IGF1R: variants seen among roughly 807,000 people sequenced by gnomAD.
IGF1R encodes insulin like growth factor 1 receptor.
Under a neutral mutation model 144.6 loss-of-function variants are expected in IGF1R, and 44 were observed. The ratio of observed to expected loss-of-function variants is 0.30; its 90% CI spans 0.24 to 0.39. The LOEUF (loss-of-function observed/expected upper bound fraction) is 0.39, where lower values mean the gene tolerates loss of function less well. Ranked by LOEUF, IGF1R falls within the 10% of genes least tolerant of loss-of-function variation. The pLI, the probability that IGF1R is intolerant of heterozygous loss-of-function variation, is 1.00. For synonymous variants in IGF1R, 795 were observed against 722.8 expected (o/e 1.10, Z -1.60); for missense variants, 1,355 against 1,833.7 (o/e 0.74, Z 4.77).
chr15:98,791,816 G>A (rs913037632), intron 2 of IGF1R, among the ~76,000 whole-genome samples: 1 of 152,226 alleles, frequency 6.6e-6, no homozygotes, highest in Non-Finnish European at 1.5e-5. Context: ...AAGGTAGCAT[G>A]TTTAACGTTC....
intron 2 of IGF1R, among the ~76,000 whole-genome samples, chr15:98,888,286 A>C (rs1371636758): frequency 6.6e-6 from 1 of 152,220 alleles, no homozygotes; most frequent in Non-Finnish European, 1.5e-5. Flanking sequence ...AATAGATGGA[A>C]TTATATTCTG....
intron 2 of IGF1R, among the ~76,000 whole-genome samples, chr15:98,816,201 T>C (rs999413267): frequency 3.9e-5 from 6 of 152,236 alleles, no homozygotes; most frequent in African/African-American, 1.2e-4. Flanking sequence ...TTCCTGTCTC[T>C]TTGAGGTTCC....
intron 15 of IGF1R, among the ~76,000 whole-genome samples, chr15:98,934,476 G>GT (rs1449558908): frequency 1.3e-5 from 2 of 151,798 alleles, no homozygotes; most frequent in East Asian, 3.9e-4. Context: ...TGGTTAATTT[G>GT]TTTTTTTCAA....
At chr15:98,944,212 G>A (rs763890001) in intron 19 of IGF1R, among the ~76,000 whole-genome samples, 4 of 152,128 alleles carry the variant, frequency 2.6e-5, no homozygotes, top group Non-Finnish European at 5.9e-5. Flanking sequence ...CTATACAGCC[G>A]GGGAGAACAG....
intron 1 of IGF1R, among the ~76,000 whole-genome samples, chr15:98,693,203 T>C (rs1377379191): frequency 6.6e-6 from 1 of 152,192 alleles, no homozygotes; most frequent in East Asian, 1.9e-4. Context: ...CTGTTTGGTC[T>C]TGGAAGCTGG....
intron 2 of IGF1R, among the ~76,000 whole-genome samples, chr15:98,728,564 T>A (rs1047026952): frequency 2.6e-5 from 4 of 152,250 alleles, no homozygotes; most frequent in Non-Finnish European, 5.9e-5. Flanking sequence ...AGAGCGGCTA[T>A]TAGCAGCAGA....
chr15:98,822,588 T>C (rs2670500), intron 2 of IGF1R, among the ~76,000 whole-genome samples: 11,747 of 152,226 alleles, frequency 0.077, 882 homozygotes, highest in African/African-American at 0.19. Flanking sequence ...GTTATAAAGC[T>C]TCTTATTCAT....
chr15:98,924,827 G>C (rs941797394), intron 13 of IGF1R, 143 bp downstream of exon 13: 2 of 765,154 alleles, frequency 2.6e-6, no homozygotes, highest in Non-Finnish European at 4.6e-6. Flanking sequence ...CTAAGGTGCC[G>C]GCACATACCG....
chr15:98,953,316 G>C (rs1275749096), intron 20 of IGF1R, among the ~76,000 whole-genome samples: 1 of 152,200 alleles, frequency 6.6e-6, no homozygotes, highest in Admixed American at 6.5e-5. Flanking sequence ...CGAGGTCTGA[G>C]TCTCAACGCC....
At chr15:98,765,742 G>A (rs551125842) in intron 2 of IGF1R, among the ~76,000 whole-genome samples, 1 of 152,256 alleles carries the variant, frequency 6.6e-6, no homozygotes, top group East Asian at 1.9e-4. Context: ...CATTTAGAAT[G>A]GCTGCATTCT....
At chr15:98,918,077 A>G (rs1352178501) in intron 10 of IGF1R, among the ~76,000 whole-genome samples, 1 of 152,200 alleles carries the variant, frequency 6.6e-6, no homozygotes, top group East Asian at 1.9e-4. Context: ...CTTTCAAAAA[A>G]GGATTAGCCC....
chr15:98,791,054 T>C (rs532995449), intron 2 of IGF1R, among the ~76,000 whole-genome samples: 2 of 152,380 alleles, frequency 1.3e-5, no homozygotes, highest in East Asian at 3.9e-4. Flanking sequence ...CAGACTTTCT[T>C]TAAAGAAGTT....
At chr15:98,684,537 TTGAG>T (rs1202712173) in intron 1 of IGF1R, among the ~76,000 whole-genome samples, 1 of 152,200 alleles carries the variant, frequency 6.6e-6, no homozygotes, top group Admixed American at 6.5e-5. Context: ...CTGTGGTTTA[TTGAG>T]TAACACTTAA....
At chr15:98,805,394 T>C (rs996814607) in intron 2 of IGF1R, among the ~76,000 whole-genome samples, 7 of 152,182 alleles carry the variant, frequency 4.6e-5, no homozygotes, top group Non-Finnish European at 7.3e-5. Flanking sequence ...TTCCCTGAAG[T>C]GTGTACCCTG....
chr15:98,859,697 A>C (rs1395881543), intron 2 of IGF1R, among the ~76,000 whole-genome samples: 1 of 152,242 alleles, frequency 6.6e-6, no homozygotes, highest in Non-Finnish European at 1.5e-5. Flanking sequence ...TTAAAAAACA[A>C]ACACACACAT....
chr15:98,745,207 A>G (rs926408674), intron 2 of IGF1R, among the ~76,000 whole-genome samples: 2 of 152,218 alleles, frequency 1.3e-5, no homozygotes, highest in Non-Finnish European at 2.9e-5. Context: ...TGAGCTTTCT[A>G]CTGAATTACA....
chr15:98,812,864 G>C (rs140137774), intron 2 of IGF1R, among the ~76,000 whole-genome samples: 1 of 152,308 alleles, frequency 6.6e-6, no homozygotes, highest in Non-Finnish European at 1.5e-5. Context: ...CTTGACTCCA[G>C]AGGAGCTGCC....
intron 2 of IGF1R, among the ~76,000 whole-genome samples, chr15:98,752,618 G>A (rs1394929295): frequency 6.6e-6 from 1 of 151,970 alleles, no homozygotes; most frequent in Non-Finnish European, 1.5e-5. Flanking sequence ...GGGAGGCGGA[G>A]CTTGCAGTGA....
At position 98,899,356 on chromosome 15, in the gene IGF1R, T is replaced by C. The variant is rs945221072; in HGVS notation, c.1103-121T>C. ...TTTTGTCAGGGAGCAGCCAGTCCTG[T>C]GCTGGGAGCATCTCAGGGGGCACCT... On this transcript the variant is annotated intron_variant, in intron 4 of 20. Coordinates refer to ENST00000650285, the MANE Select transcript of IGF1R (RefSeq NM_000875.5). The C allele has an allele frequency of 1.9e-5, 18 of 952,988 alleles. No homozygotes were observed. In the Admixed American group the frequency reaches 3.2e-4, roughly 17 times the overall value. 59.0% of individuals were successfully genotyped at this position (952,988 alleles called of 1,614,324 possible). A position where few individuals can be genotyped will look rare whatever the true frequency, so the allele number is the denominator to read the frequency against.
Sources: gnomAD v4.1 joint callset for allele counts (sites outside exome capture counted in the v4.1 genomes callset) on GRCh38, gnomAD v4.1.1 for gene constraint, MANE v1.5 for transcripts, NCBI Gene and HGNC (gene_info 2026-07-23, HGNC 2026-07-21) for gene names.